ATXN7L1: variants seen among roughly 807,000 people sequenced by gnomAD.
ATXN7L1 encodes the protein ataxin-7-like protein 1.
In ATXN7L1, 15 loss-of-function variants were observed where a neutral mutation model predicts 70.8. That is an observed-to-expected ratio of 0.21 (90% confidence interval 0.14 to 0.33). The LOEUF is 0.33. ATXN7L1 is among the 10% of genes least tolerant of loss of function. ATXN7L1 has a pLI of 1.00. For missense variants in ATXN7L1, 975 were observed against 1,097.1 expected, an observed-to-expected ratio of 0.89 and a Z score of 1.57; for synonymous variants, 440 against 445.1, an observed-to-expected ratio of 0.99 and a Z score of 0.14.
intron 3 of ATXN7L1, chr7:105,678,914 A>C: frequency 3.7e-6 from 1 of 273,458 alleles, no homozygotes. Context: ...GCCGGAGAGC[A>C]CTGTCTATGC....
At chr7:105,876,354 A>C (rs1406669237) in intron 1 of ATXN7L1, 24 bp downstream of exon 1, 1 of 1,573,976 alleles carries the variant, frequency 6.4e-7, no homozygotes, top group East Asian at 2.3e-5. Flanking sequence ...TAATAAAAGG[A>C]GGAGGAGGTG....
intron 2 of ATXN7L1, among the ~76,000 whole-genome samples, chr7:105,796,210 A>G (rs1411967324): frequency 6.6e-6 from 1 of 152,120 alleles, no homozygotes; most frequent in East Asian, 1.9e-4. Context: ...TAAAAATACA[A>G]CCATTAGGTG....
chr7:105,735,899 ACTC>A (rs1797321546), intron 3 of ATXN7L1, among the ~76,000 whole-genome samples: 1 of 152,104 alleles, frequency 6.6e-6, no homozygotes, highest in Non-Finnish European at 1.5e-5. Context: ...CCACCAATCC[ACTC>A]ACTTATTTAT....
intron 3 of ATXN7L1, among the ~76,000 whole-genome samples, chr7:105,702,887 G>C (rs950513792): frequency 6.6e-6 from 1 of 152,072 alleles, no homozygotes; most frequent in African/African-American, 2.4e-5. Flanking sequence ...GGGAGGCCGA[G>C]GCAGGCAGGT....
chr7:105,653,000 T>C (rs2115990652), intron 4 of ATXN7L1, among the ~76,000 whole-genome samples: 1 of 152,206 alleles, frequency 6.6e-6, no homozygotes, highest in South Asian at 2.1e-4. Flanking sequence ...ACCACCTCCA[T>C]CCAGAAAACA....
chr7:105,629,439 T>C (rs1317449948), intron 7 of ATXN7L1, among the ~76,000 whole-genome samples: 1 of 149,806 alleles, frequency 6.7e-6, no homozygotes, highest in Non-Finnish European at 1.5e-5. Context: ...CAGGATGTCC[T>C]TCTTCTTTTA....
At chr7:105,687,004 A>G (rs1461608691) in intron 3 of ATXN7L1, among the ~76,000 whole-genome samples, 1 of 152,088 alleles carries the variant, frequency 6.6e-6, no homozygotes, top group African/African-American at 2.4e-5. Context: ...TACTCAACCT[A>G]CCCCTAATAA....
intron 3 of ATXN7L1, among the ~76,000 whole-genome samples, chr7:105,755,968 C>A (rs943184182): frequency 6.6e-6 from 1 of 152,138 alleles, no homozygotes; most frequent in African/African-American, 2.4e-5. Flanking sequence ...CACCTCCCTC[C>A]AAAAGTAAGC....
At position 105,633,915 on chromosome 7, in the gene ATXN7L1, T is replaced by C. The variant is rs184473972; in HGVS notation, c.1202+4438A>G. On this transcript the variant is annotated intron_variant, in intron 7 of 11. Coordinates refer to ENST00000419735, the MANE Select transcript of ATXN7L1 (RefSeq NM_020725.2). Reference sequence around the variant, plus strand: ...GAGCAAAGGGAGAAACAGGGACACATGACGGTGTGCTCGTGTGTGCACACA... The same window carrying C: ...GAGCAAAGGGAGAAACAGGGACACACGACGGTGTGCTCGTGTGTGCACACA... Among the ~76,000 whole-genome samples, 3 of 152,220 alleles carry C rather than the reference T, an allele frequency of 2.0e-5. No homozygotes were observed. In the East Asian group the frequency reaches 5.8e-4, roughly 29 times the overall value.
chr7:105,730,616 C>T (rs1796424172), intron 3 of ATXN7L1, among the ~76,000 whole-genome samples: 1 of 152,054 alleles, frequency 6.6e-6, no homozygotes, highest in African/African-American at 2.4e-5. Flanking sequence ...CCTGTAATCC[C>T]AGCTACCCAG....
chr7:105,655,259 A>G lies in ATXN7L1; in HGVS notation c.578+9807T>C, dbSNP rs374117621. 1.6e-3 allele frequency among the ~76,000 whole-genome samples: 236 copies of G among 152,212 alleles called. 1 individual carries two copies. Among genetic ancestry groups the G allele is most frequent in the African/African-American group, 5.5e-3 (229 of 41,524 alleles). ...CCACGGCCTCCCTGTCCTGGAAGGG[A>G]CACTCTGCCCCCAGCCGCAGCCCCC... On this transcript the variant is annotated intron_variant, in intron 4 of 11. Coordinates refer to ENST00000419735, the MANE Select transcript of ATXN7L1 (RefSeq NM_020725.2).
rs151189489 is a variant in ATXN7L1 at position 105,781,997 on chromosome 7, A to G, written c.355+6607T>C. Among the ~76,000 whole-genome samples the G allele has an allele frequency of 5.7e-3, 870 of 152,156 alleles. 12 individuals are homozygous for G. Among genetic ancestry groups the G allele is most frequent in the African/African-American group, 0.018 (751 of 41,514 alleles). On this transcript the variant is annotated intron_variant, in intron 3 of 11. Coordinates refer to ENST00000419735, the MANE Select transcript of ATXN7L1 (RefSeq NM_020725.2). ...TGGAGCACAACACTACGCCTGGCTA[A>G]TATTTTTGTATTTTTGGTAAAGATG...
intron 2 of ATXN7L1, among the ~76,000 whole-genome samples, chr7:105,852,354 C>A (rs1427111667): frequency 6.6e-6 from 1 of 152,182 alleles, no homozygotes; most frequent in East Asian, 1.9e-4. Flanking sequence ...GCCTTCCTAA[C>A]CCTCCCTATA....
At chr7:105,830,232 T>C (rs1811415721) in intron 2 of ATXN7L1, among the ~76,000 whole-genome samples, 2 of 152,246 alleles carry the variant, frequency 1.3e-5, no homozygotes, top group African/African-American at 4.8e-5. Context: ...AGTCTTTATT[T>C]CACTTCATCC....
intron 4 of ATXN7L1, among the ~76,000 whole-genome samples, chr7:105,648,003 G>A (rs1294582781): frequency 1.3e-5 from 2 of 152,214 alleles, no homozygotes; most frequent in Non-Finnish European, 2.9e-5. Context: ...AGGAAAGACA[G>A]CCTCACGTGC....
rs866122356 is a variant in ATXN7L1 at position 105,731,714 on chromosome 7, C to T, written c.355+56890G>A. On this transcript the variant is annotated intron_variant, in intron 3 of 11. Transcript: ENST00000419735. ...CCTCCCAAAGTGCTGGGATTATAGGCGTGAGCCACTGCACCTGGGCTTTCT... is the reference window on the plus strand; with the variant it reads ...CCTCCCAAAGTGCTGGGATTATAGGTGTGAGCCACTGCACCTGGGCTTTCT... Among the ~76,000 whole-genome samples, 38 of 94,310 alleles carry T rather than the reference C, an allele frequency of 4.0e-4. 1 individual carries two copies. The highest frequency in any genetic ancestry group is 5.6e-3 in the Middle Eastern group (1 of 178). The allele number at this position is 94,310 out of a possible 152,430, so 61.9% of individuals were successfully genotyped here.
chr7:105,875,985 T>C, intron 1 of ATXN7L1, 105 bp from the exon 2 acceptor site: 1 of 959,174 alleles, frequency 1.0e-6, no homozygotes, highest in Non-Finnish European at 1.6e-6. Flanking sequence ...CAGATCGATA[T>C]AAATACTGTA....
intron 1 of ATXN7L1, among the ~76,000 whole-genome samples, chr7:105,876,102 G>T (rs1642164286): frequency 6.6e-6 from 1 of 152,138 alleles, no homozygotes; most frequent in African/African-American, 2.4e-5. Context: ...CAGCAACAAA[G>T]TAGCCTTTTA....
At position 105,624,232 on chromosome 7, in the gene ATXN7L1, G is replaced by A; in HGVS notation, c.1238C>T (p.Ser413Phe). ...SSANSISSSTSSNHSGHTPEP... is the reference protein window; with the variant it reads ...SSANSISSSTFSNHSGHTPEP... ...TGGAGTGTGGCCGCTATGATTTGAA[G>A]ATGTGCTGCTGCTTATGCTATTTGC... The change falls in exon 8 of 12, where the codon TCT (serine) becomes TTT (phenylalanine). Residue 413 changes from serine to phenylalanine, a missense_variant. By Grantham distance (155) the Ser-to-Phe change is radical (BLOSUM62 -2). Around this residue, in one of 5 missense-constraint regions of ATXN7L1, gnomAD observed 635 missense variants for 699.4 expected, o/e 0.91. Transcript: ENST00000419735. 6.7e-7 allele frequency: 1 copy of A among 1,493,240 alleles called. No homozygotes were observed. Among genetic ancestry groups the A allele is most frequent in the Non-Finnish European group, 9.0e-7 (1 of 1,114,784 alleles). The allele number at this position is 1,493,240 out of a possible 1,614,324, so 92.5% of individuals were successfully genotyped here.
Sources: gnomAD v4.1 joint callset for allele counts (sites outside exome capture counted in the v4.1 genomes callset) on GRCh38, gnomAD v4.1.1 for gene constraint, gnomAD v4.1.1 regional missense constraint, MANE v1.5 for transcripts, NCBI Gene and HGNC (gene_info 2026-07-23, HGNC 2026-07-21) for gene names.